TMEM178B: variants seen among roughly 807,000 people sequenced by gnomAD.
TMEM178B encodes the protein transmembrane protein 178B.
Under a neutral mutation model 31.0 loss-of-function variants are expected in TMEM178B, and 5 were observed. The observed-to-expected ratio is 0.16, with a 90% CI of 0.08 to 0.34. The LOEUF is 0.34. Among genes scored for constraint, TMEM178B ranks in the 10% least tolerant of loss-of-function variants. The pLI is 1.00. For missense variants in TMEM178B, 275 were observed against 400.3 expected (o/e 0.69, Z 2.67); for synonymous variants, 164 against 164.0 (o/e 1.00, Z 0.00).
intron 1 of TMEM178B, among the ~76,000 whole-genome samples, chr7:141,125,055 G>T (rs1795468222): frequency 6.6e-6 from 1 of 152,178 alleles, no homozygotes; most frequent in Non-Finnish European, 1.5e-5. Flanking sequence ...CCCCTATTGG[G>T]GTGTTAATTA....
chr7:141,216,627 A>G (rs1004426513), intron 2 of TMEM178B, among the ~76,000 whole-genome samples: 12 of 152,014 alleles, frequency 7.9e-5, no homozygotes, highest in Admixed American at 7.9e-4. Flanking sequence ...ACTGGTGACC[A>G]GGTTCTCACT....
chr7:141,076,190 G>A (rs571628174), intron 1 of TMEM178B, among the ~76,000 whole-genome samples: 6 of 152,334 alleles, frequency 3.9e-5, no homozygotes, highest in Middle Eastern at 3.4e-3. Flanking sequence ...GAGTCCAGAA[G>A]AGACCAACTT....
chr7:141,120,626 T>G (rs1795392959), intron 1 of TMEM178B, among the ~76,000 whole-genome samples: 1 of 152,096 alleles, frequency 6.6e-6, no homozygotes, highest in African/African-American at 2.4e-5. Context: ...ACTTTGGATG[T>G]TTTTAGTTAT....
chr7:141,420,295 T>C (rs1156488303), intron 2 of TMEM178B, among the ~76,000 whole-genome samples: 1 of 152,156 alleles, frequency 6.6e-6, no homozygotes, highest in Non-Finnish European at 1.5e-5. Flanking sequence ...GGTCCACTGC[T>C]TCACCTCTTG....
At chr7:141,451,471 T>C (rs1181769) in intron 3 of TMEM178B, among the ~76,000 whole-genome samples, 114,780 of 152,102 alleles carry the variant, frequency 0.75, 43,524 homozygotes, top group South Asian at 0.84. Flanking sequence ...TTCCCAAAGC[T>C]GGAATTCAGA....
intron 2 of TMEM178B, among the ~76,000 whole-genome samples, chr7:141,315,140 T>C (rs755087780): frequency 2.0e-4 from 31 of 152,220 alleles, no homozygotes; most frequent in Non-Finnish European, 3.2e-4. Flanking sequence ...ATCTGTTTCA[T>C]GTTCCTTACC....
chr7:141,489,377 G>T, the TMEM178B span, among the ~76,000 whole-genome samples: 4 of 152,154 alleles, frequency 2.6e-5, no homozygotes, highest in Non-Finnish European at 5.9e-5. Context: ...TTAGCACAAT[G>T]GTTCTGCCAA....
At chr7:141,108,292 A>G (rs980788060) in intron 1 of TMEM178B, among the ~76,000 whole-genome samples, 3 of 152,218 alleles carry the variant, frequency 2.0e-5, no homozygotes, top group African/African-American at 7.2e-5. Context: ...TGATAATGGC[A>G]TGGTCCAATG....
chr7:141,181,795 A>G (rs1024629427), intron 1 of TMEM178B, among the ~76,000 whole-genome samples: 14 of 152,100 alleles, frequency 9.2e-5, no homozygotes, highest in African/African-American at 3.4e-4. Context: ...ACTCTTGGTA[A>G]GTCTTCCTCC....
intron 1 of TMEM178B, among the ~76,000 whole-genome samples, chr7:141,124,231 G>A (rs576847859): frequency 6.6e-6 from 1 of 152,268 alleles, no homozygotes; most frequent in South Asian, 2.1e-4. Context: ...GTCAGGCGTG[G>A]TGGTGTGGGC....
chr7:141,322,363 TAA>T (rs57989369), intron 2 of TMEM178B, among the ~76,000 whole-genome samples: 18,478 of 134,312 alleles, frequency 0.14, 1,547 homozygotes, highest in African/African-American at 0.24. Flanking sequence ...CCCATCTTAC[TAA>T]AAAAAAAAAA....
At chr7:141,432,281 G>A (rs1017665891) in intron 2 of TMEM178B, among the ~76,000 whole-genome samples, 7 of 150,098 alleles carry the variant, frequency 4.7e-5, no homozygotes, top group African/African-American at 7.3e-5. Context: ...TCAGCCTCCC[G>A]AGTAGCTATG....
Position 141,329,895 on chromosome 7 carries a change from A to G in TMEM178B, c.497-107713A>G, listed in dbSNP as rs185999894. Among the ~76,000 whole-genome samples the G allele has an allele frequency of 3.9e-4, 60 of 152,282 alleles. 1 individual carries two copies. The highest frequency in any genetic ancestry group is 1.8e-3 in the Admixed American group (27 of 15,304). ...ACATGACACTCACACAAAGAGGGGA[A>G]CTCATCAGGAAGTATTCTAATGACA... On this transcript the variant is annotated intron_variant, in intron 2 of 3. Coordinates refer to ENST00000565468, the MANE Select transcript of TMEM178B (RefSeq NM_001195278.2).
rs537763421 is a variant in TMEM178B, at chr7:141,207,533, A to G, written c.383-5058A>G. 2.0e-4 allele frequency among the ~76,000 whole-genome samples: 30 copies of G among 152,312 alleles called. No individual in the cohort carries two copies. In the South Asian group the frequency reaches 6.2e-3, roughly 32 times the overall value. On this transcript the variant is annotated intron_variant, in intron 1 of 3. Transcript: ENST00000565468. ...TGTAGTTTCAATTCGCATTTCCCTG[A>G]TGATTAGTGATGTTGGGCATCTTTT...
chr7:141,391,093 C>A (rs1053092989), intron 2 of TMEM178B, among the ~76,000 whole-genome samples: 1 of 152,122 alleles, frequency 6.6e-6, no homozygotes, highest in Non-Finnish European at 1.5e-5. Context: ...GGGCAGGAAA[C>A]CCTTGGCAGA....
the TMEM178B span, among the ~76,000 whole-genome samples, chr7:141,490,227 C>A: frequency 6.6e-6 from 1 of 152,190 alleles, no homozygotes; most frequent in Non-Finnish European, 1.5e-5. Flanking sequence ...AATTGTGTCC[C>A]TCCAAAAAAT....
intron 2 of TMEM178B, among the ~76,000 whole-genome samples, chr7:141,276,625 A>T (rs1443838264): frequency 1.3e-5 from 2 of 152,084 alleles, no homozygotes; most frequent in African/African-American, 4.8e-5. Context: ...ATTACCTCCC[A>T]CCAGGTCCCT....
At chr7:141,112,321 C>T (rs1030665925) in intron 1 of TMEM178B, among the ~76,000 whole-genome samples, 2 of 152,168 alleles carry the variant, frequency 1.3e-5, no homozygotes, top group African/African-American at 2.4e-5. Context: ...GGCATGACCA[C>T]GGCTCACTGT....
intron 2 of TMEM178B, among the ~76,000 whole-genome samples, chr7:141,404,168 G>A (rs1056913359): frequency 2.0e-5 from 3 of 152,198 alleles, no homozygotes; most frequent in African/African-American, 7.2e-5. Context: ...AGCTGGGCGT[G>A]GTGGTAGGCA....
Sources: gnomAD v4.1 joint callset for allele counts (sites outside exome capture counted in the v4.1 genomes callset) on GRCh38, gnomAD v4.1.1 for gene constraint, MANE v1.5 for transcripts, NCBI Gene and HGNC (gene_info 2026-07-23, HGNC 2026-07-21) for gene names.